Variants in ASPRV1 observed in about 807,000 individuals in gnomAD.
ASPRV1 encodes aspartic peptidase retroviral like 1.
Under a neutral mutation model 11.0 loss-of-function variants are expected in ASPRV1, and 7 were observed. That is an observed-to-expected ratio of 0.64 (90% CI 0.36 to 1.20). ASPRV1 has a LOEUF of 1.20. Among genes scored for constraint, ASPRV1 ranks in the 50% most tolerant of loss-of-function variants. The pLI is 0.02. For synonymous variants in ASPRV1, 136 were observed against 138.4 expected (o/e 0.98, Z 0.12); for missense variants, 299 against 320.0 (o/e 0.93, Z 0.50).
chr2:69,978,337 G>A, the ASPRV1 span, among the ~76,000 whole-genome samples: 1 of 152,182 alleles, frequency 6.6e-6, no homozygotes, highest in African/African-American at 2.4e-5. Flanking sequence ...CTCATCCCTG[G>A]ATAGTTGCCC....
the ASPRV1 span, among the ~76,000 whole-genome samples, chr2:70,065,850 AAAAAGAAAAGGAAGGAAGGAAAG>A: frequency 7.1e-6 from 1 of 139,986 alleles, no homozygotes; most frequent in South Asian, 2.4e-4. Flanking sequence ...AAAAAGAAAG[AAAAAGAAAAGGAAGGAAGGAAAG>A]AAAAGAAAAA....
At chr2:69,977,647 T>C in the ASPRV1 span, among the ~76,000 whole-genome samples, 8 of 152,282 alleles carry the variant, frequency 5.3e-5, no homozygotes, top group East Asian at 1.2e-3. Context: ...CATTACCACC[T>C]AGGAGGGGCC....
chr2:70,020,802 C>T, the ASPRV1 span, among the ~76,000 whole-genome samples: 1 of 151,836 alleles, frequency 6.6e-6, no homozygotes, highest in South Asian at 2.1e-4. Flanking sequence ...ACTTGGGGTG[C>T]CTAATCAGAT....
chr2:70,035,829 C>T, the ASPRV1 span, among the ~76,000 whole-genome samples: 1 of 151,498 alleles, frequency 6.6e-6, no homozygotes, highest in South Asian at 2.1e-4. Context: ...GTGGAGGTAC[C>T]ATGGAATTCC....
the ASPRV1 span, among the ~76,000 whole-genome samples, chr2:69,981,605 G>A: frequency 1.3e-5 from 2 of 152,194 alleles, no homozygotes; most frequent in Non-Finnish European, 2.9e-5. Context: ...TACCCAGGCT[G>A]GAGTGCAGTG....
the ASPRV1 span, among the ~76,000 whole-genome samples, chr2:70,063,452 A>G: frequency 2.8e-4 from 43 of 152,238 alleles, no homozygotes; most frequent in African/African-American, 9.6e-4. Flanking sequence ...AGAGTCCTGA[A>G]CTCCTAAGGC....
At chr2:69,988,529 G>T in the ASPRV1 span, 1 of 317,630 alleles carries the variant, frequency 3.1e-6, no homozygotes, top group Non-Finnish European at 6.3e-6. Flanking sequence ...AATGTTTGGT[G>T]GGTAGTGGGA....
chr2:69,936,768 A>G, the ASPRV1 span, among the ~76,000 whole-genome samples: 2 of 152,230 alleles, frequency 1.3e-5, no homozygotes, highest in Admixed American at 6.5e-5. Context: ...GTTAATTGAG[A>G]TTTGGCATGA....
chr2:69,994,133 G>A, the ASPRV1 span: 3 of 152,272 alleles, frequency 2.0e-5, no homozygotes, highest in East Asian at 5.8e-4. Flanking sequence ...ATGGTCCTCT[G>A]ACTGGTAAGA....
the ASPRV1 span, among the ~76,000 whole-genome samples, chr2:69,993,020 G>C: frequency 2.6e-5 from 4 of 152,164 alleles, no homozygotes; most frequent in Admixed American, 2.0e-4. Flanking sequence ...TTTTCTTTGA[G>C]ATCCCCTCAC....
chr2:69,948,562 C>T, the ASPRV1 span, among the ~76,000 whole-genome samples: 1 of 152,190 alleles, frequency 6.6e-6, no homozygotes, highest in South Asian at 2.1e-4. Flanking sequence ...TAGGAGGGAT[C>T]AGTGGAGGCT....
At chr2:70,081,610 G>T in the ASPRV1 span, 2 of 151,782 alleles carry the variant, frequency 1.3e-5, no homozygotes, top group Non-Finnish European at 2.9e-5. Context: ...TTTAGATAAG[G>T]TCTCACTCTG....
At chr2:70,075,853 G>GAA in the ASPRV1 span, among the ~76,000 whole-genome samples, 1 of 136,414 alleles carries the variant, frequency 7.3e-6, no homozygotes, top group African/African-American at 2.7e-5. Context: ...CCGTCTCAAA[G>GAA]AAAAAAAAAA....
the ASPRV1 span, among the ~76,000 whole-genome samples, chr2:69,985,717 G>A: frequency 6.6e-6 from 1 of 152,184 alleles, no homozygotes; most frequent in Non-Finnish European, 1.5e-5. Flanking sequence ...ATAGAAAGAT[G>A]AATACAACTT....
At chr2:70,037,955 A>T in the ASPRV1 span, among the ~76,000 whole-genome samples, 1 of 151,962 alleles carries the variant, frequency 6.6e-6, no homozygotes, top group Non-Finnish European at 1.5e-5. Context: ...TCCTGCTGAA[A>T]CCTAGGTCTG....
chr2:70,065,793 TG>T, the ASPRV1 span, among the ~76,000 whole-genome samples: 1 of 114,390 alleles, frequency 8.7e-6, no homozygotes, highest in African/African-American at 3.5e-5. Flanking sequence ...CACTACAGCC[TG>T]GGTGACAGAA....
the ASPRV1 span, chr2:69,988,725 T>C: frequency 2.2e-6 from 1 of 452,616 alleles, no homozygotes; most frequent in Non-Finnish European, 4.4e-6. Context: ...AACAAAAACC[T>C]TCCCCATGGA....
the ASPRV1 span, among the ~76,000 whole-genome samples, chr2:70,039,802 C>T: frequency 6.6e-6 from 1 of 152,178 alleles, no homozygotes; most frequent in African/African-American, 2.4e-5. Flanking sequence ...TCAGCTTAAC[C>T]TTTAATTGTT....
At chr2:69,943,262 T>C in the ASPRV1 span, among the ~76,000 whole-genome samples, 1 of 152,244 alleles carries the variant, frequency 6.6e-6, no homozygotes, top group East Asian at 1.9e-4. Flanking sequence ...CTGTAAGCAC[T>C]GCCAAGACTT....
Sources: gnomAD v4.1 joint callset for allele counts (sites outside exome capture counted in the v4.1 genomes callset) on GRCh38, gnomAD v4.1.1 for gene constraint, MANE v1.5 for transcripts, NCBI Gene and HGNC (gene_info 2026-07-23, HGNC 2026-07-21) for gene names.